The following TOR2A variants were observed in gnomAD, a reference collection of about 807,000 sequenced individuals.
TOR2A encodes torsin family 2 member A.
A neutral mutation model predicts 28.6 loss-of-function variants in TOR2A; 24 were observed. The observed-to-expected ratio is 0.84, with a 90% CI of 0.61 to 1.18. The LOEUF (loss-of-function observed/expected upper bound fraction) is 1.18. Among genes scored for constraint, TOR2A ranks in the 50% most tolerant of loss-of-function variants. TOR2A has a pLI of 0.00. For missense variants in TOR2A, 426 were observed against 448.1 expected (o/e 0.95, Z 0.45); for synonymous variants, 203 against 203.1 (o/e 1.00, Z 0.00).
chr9:127,735,203 G>A lies in TOR2A; in HGVS notation c.68C>T (p.Ala23Val). 2 of 1,479,032 alleles carry A rather than the reference G, an allele frequency of 1.4e-6. No homozygotes were observed. Among genetic ancestry groups the A allele is most frequent in the South Asian group, 1.3e-5 (1 of 78,214 alleles). 91.6% of individuals were successfully genotyped at this position (1,479,032 alleles called of 1,614,324 possible). The change falls in exon 1 of 5, where the codon GCC becomes GTC. Residue 23 changes from alanine to valine, a missense_variant. Physicochemically the swap from Ala to Val is moderately conservative, Grantham distance 64. Coordinates refer to ENST00000373284, the MANE Select transcript of TOR2A (RefSeq NM_001085347.3). ...AGCCAGGTCCCAGGCGGCGGCCGCGGCCGAGACCAGCCCGAGCAGCCCGAG... is the reference window on the plus strand; with the variant it reads ...AGCCAGGTCCCAGGCGGCGGCCGCGACCGAGACCAGCCCGAGCAGCCCGAG... The part of the protein sequence containing the change: ...SLLGLLGLVS[A>V]AAAAWDLASL...
At chr9:127,734,277 G>A in intron 2 of TOR2A, 22 bp downstream of exon 2, 1 of 1,557,870 alleles carries the variant, frequency 6.4e-7, no homozygotes, top group Non-Finnish European at 8.7e-7. Flanking sequence ...GAGAACAGTG[G>A]TCAAGGACGC....
intron 1 of TOR2A, chr9:127,734,784 T>A: frequency 1.8e-6 from 1 of 560,852 alleles, no homozygotes; most frequent in Non-Finnish European, 2.9e-6. Context: ...TAGATTGCAC[T>A]CAGCTCTAAA....
intron 3 of TOR2A, 64 bp from the exon 4 acceptor site, chr9:127,732,755 C>T: frequency 6.6e-7 from 1 of 1,521,836 alleles, no homozygotes; most frequent in African/African-American, 1.4e-5. Context: ...GGATTGGACC[C>T]TCGCTTCCCC....
At chr9:127,733,043 C>T (rs1179035954) in intron 3 of TOR2A, 78 of 1,418,780 alleles carry the variant, frequency 5.5e-5, no homozygotes, top group Non-Finnish European at 6.6e-5. Context: ...GGAAACACAG[C>T]GAGGATTCTG....
At chr9:127,734,972 C>T (rs1844625477) in intron 1 of TOR2A, 148 bp downstream of exon 1, 1 of 1,209,968 alleles carries the variant, frequency 8.3e-7, no homozygotes, top group South Asian at 2.0e-5. Flanking sequence ...ACCCTCCACC[C>T]TCCCAAGTCT....
intron 3 of TOR2A, 56 bp downstream of exon 3, chr9:127,733,329 G>A (rs749716375): frequency 1.2e-6 from 2 of 1,613,492 alleles, no homozygotes; most frequent in Non-Finnish European, 1.7e-6. Flanking sequence ...AGGCTGTAGA[G>A]CTGAACCTCT....
intron 3 of TOR2A, 63 bp from the exon 4 acceptor site, chr9:127,732,754 C>T (rs1166898350): frequency 6.6e-7 from 1 of 1,521,834 alleles, no homozygotes; most frequent in Non-Finnish European, 8.8e-7. Context: ...AGGATTGGAC[C>T]CTCGCTTCCC....
intron 4 of TOR2A, 62 bp from the exon 5 acceptor site, chr9:127,732,340 A>T: frequency 6.6e-7 from 1 of 1,516,986 alleles, no homozygotes; most frequent in Non-Finnish European, 8.8e-7. Flanking sequence ...AGCCGGCCCC[A>T]AACCCCCAGG....
At chr9:127,732,482 G>A in intron 4 of TOR2A, 82 bp downstream of exon 4, 4 of 1,472,370 alleles carry the variant, frequency 2.7e-6, no homozygotes, top group Admixed American at 2.4e-5. Context: ...GGGTCAGTGG[G>A]CAAAGCATGA....
intron 2 of TOR2A, chr9:127,734,040 G>A (rs953534306): frequency 4.4e-6 from 2 of 457,932 alleles, no homozygotes; most frequent in Non-Finnish European, 7.7e-6. Flanking sequence ...AATGATATCT[G>A]CAATGGTATA....
At chr9:127,733,320 G>C in intron 3 of TOR2A, 65 bp downstream of exon 3, 1 of 1,613,454 alleles carries the variant, frequency 6.2e-7, no homozygotes, top group Non-Finnish European at 8.5e-7. Context: ...CACAGGCTAA[G>C]GCTGTAGAGC....
Position 127,732,651 on chromosome 9 carries a change from C to T in TOR2A, c.634G>A (p.Ala212Thr). The T allele has an allele frequency of 6.4e-7, 1 of 1,570,672 alleles. No individual in the cohort carries two copies. The highest frequency in any genetic ancestry group is 8.6e-7 in the Non-Finnish European group (1 of 1,158,552). ...TCGCGGTCCCGCCGGCTGCGCCACGCCTCCAATGCCACCTGGTTGATCTGC... is the reference window on the plus strand; with the variant it reads ...TCGCGGTCCCGCCGGCTGCGCCACGTCTCCAATGCCACCTGGTTGATCTGC... ...GKQINQVALEAWRSRRDREEI... is the reference protein window; with the variant it reads ...GKQINQVALETWRSRRDREEI... Residue 212 changes from alanine (A) to threonine (T), a missense_variant, in exon 4 of 5, where the codon GCG becomes ACG. Physicochemically the swap from Ala to Thr is moderately conservative, Grantham distance 58 (BLOSUM62 0). Coordinates refer to ENST00000373284, the MANE Select transcript of TOR2A (RefSeq NM_001085347.3).
In TOR2A at chr9:127,731,743, C is replaced by G. The variant is rs1483303177; in HGVS notation, c.*291G>C. On this transcript the variant is annotated 3_prime_UTR_variant, in exon 5 of 5. Transcript: ENST00000373284. ...GTGGCAGACTGAGGAGGGAGCACCG[C>G]CACGAGCCACAGTCCCTGAGTTATA... The G allele has an allele frequency of 1.5e-6, 1 of 666,898 alleles. No individual in the cohort carries two copies. The highest frequency in any genetic ancestry group is 2.3e-6 in the Non-Finnish European group (1 of 427,310). 41.3% of individuals were successfully genotyped at this position (666,898 alleles called of 1,614,324 possible).
At position 127,734,349 on chromosome 9, in the gene TOR2A, AGTG is replaced by A; in HGVS notation, c.364_366del (p.His122del). On this transcript the variant is annotated inframe_deletion, in exon 2 of 5. Transcript: ENST00000373284. Reference sequence around the variant, plus strand: ...TGGGGGAAGTGGAGGACGGGAGAAAAGTGGTGCACGCGGGGGCTGCGGAGGCCG... The same window carrying A: ...TGGGGGAAGTGGAGGACGGGAGAAAAGTGCACGCGGGGGCTGCGGAGGCCG... 1 of 1,610,084 alleles carries A rather than the reference AGTG, an allele frequency of 6.2e-7. No individual in the cohort carries two copies. Among genetic ancestry groups the A allele is most frequent in the Non-Finnish European group, 8.5e-7 (1 of 1,178,354 alleles).
At position 127,732,093 on chromosome 9, in the gene TOR2A, G is replaced by T. The variant is rs200194338; in HGVS notation, c.907C>A (p.Gln303Lys). ...DSTTFFPEDE[Q>K]LFSSNGCKTV... ...TTGCAGCCGTTGGAGGAGAAGAGCT[G>T]CTCGTCTTCAGGGAAGAAGGTGGTG... The change falls in exon 5 of 5, where the codon CAG becomes AAG. Residue 303 changes from glutamine to lysine, a missense_variant. Gln to Lys is a moderately conservative substitution (Grantham distance 53). Transcript: ENST00000373284. 1,421 of 1,613,900 alleles carry T rather than the reference G, an allele frequency of 8.8e-4. 12 individuals carry two copies. The South Asian group carries it at 0.013, about 15-fold the overall frequency.
rs1844636195 is a variant in TOR2A at position 127,735,166 on chromosome 9, G to A, written c.105C>T (p.Cys35=). The A allele has an allele frequency of 2.7e-6, 4 of 1,487,882 alleles. No individual in the cohort carries two copies. Among genetic ancestry groups the A allele is most frequent in the Non-Finnish European group, 3.5e-6 (4 of 1,127,142 alleles). The allele number at this position is 1,487,882 out of a possible 1,614,324, so 92.2% of individuals were successfully genotyped here. A position where few individuals can be genotyped will look rare whatever the true frequency, so the allele number is the denominator to read the frequency against. The part of the protein sequence containing the change: ...AAAWDLASLR[C]TLGAFCECDF... ...CGCATTCGCAAAAGGCGCCCAAGGTGCAGCGCAGGGAAGCCAGGTCCCAGG... is the reference window on the plus strand; with the variant it reads ...CGCATTCGCAAAAGGCGCCCAAGGTACAGCGCAGGGAAGCCAGGTCCCAGG... The change falls in exon 1 of 5, where the codon TGC becomes TGT. Residue 35 remains cysteine, a synonymous_variant. Coordinates refer to ENST00000373284, the MANE Select transcript of TOR2A (RefSeq NM_001085347.3).
At chr9:127,734,954 C>T (rs1844624110) in intron 1 of TOR2A, 166 bp downstream of exon 1, 1 of 1,100,940 alleles carries the variant, frequency 9.1e-7, no homozygotes, top group African/African-American at 1.7e-5. Flanking sequence ...TCCTGGACCT[C>T]AACGGGTACC....
chr9:127,733,485 T>G lies in TOR2A; in HGVS notation c.493A>C (p.Lys165Gln). 10 of 1,613,980 alleles carry G rather than the reference T, an allele frequency of 6.2e-6. No individual in the cohort carries two copies. Among genetic ancestry groups the G allele is most frequent in the Non-Finnish European group, 8.5e-6 (10 of 1,180,030 alleles). Reference sequence around the variant, plus strand: ...ACTTCCATCAGGCCTGGGGGCATCTTGTCCATCTCATCGAAGAGGAAGAGG... The same window carrying G: ...ACTTCCATCAGGCCTGGGGGCATCTGGTCCATCTCATCGAAGAGGAAGAGG... ...RSLFLFDEMD[K>Q]MPPGLMEVLR... Residue 165 changes from lysine to glutamine, a missense_variant, in exon 3 of 5, where the codon AAG becomes CAG. Lys to Gln is a moderately conservative substitution (Grantham distance 53). Coordinates refer to ENST00000373284, the MANE Select transcript of TOR2A (RefSeq NM_001085347.3).
intron 1 of TOR2A, 74 bp downstream of exon 1, chr9:127,735,046 C>A: frequency 7.3e-7 from 1 of 1,363,240 alleles, no homozygotes; most frequent in Non-Finnish European, 9.4e-7. Flanking sequence ...GCCAGCCGGG[C>A]TCCCAGGGCT....
Sources: gnomAD v4.1 joint callset for allele counts on GRCh38, gnomAD v4.1.1 for gene constraint, MANE v1.5 for transcripts, NCBI Gene and HGNC (gene_info 2026-07-23, HGNC 2026-07-21) for gene names.